The following KRIT1 variants were observed in gnomAD, a reference collection of about 807,000 sequenced individuals.
KRIT1 encodes krev interaction trapped protein 1.
KRIT1 carries 45 observed loss-of-function variants against 95.8 expected under a neutral mutation model. That is an observed-to-expected ratio of 0.47 (90% confidence interval 0.37 to 0.60). The LOEUF (loss-of-function observed/expected upper bound fraction) is 0.60, where lower values mean the gene tolerates loss of function less well. Among genes scored for constraint, KRIT1 ranks in the 20% least tolerant of loss-of-function variants. KRIT1 has a pLI of 0.00. For synonymous variants in KRIT1, 282 were observed against 278.8 expected (o/e 1.01, Z -0.11); for missense variants, 788 against 877.5 (o/e 0.90, Z 1.29).
chr7:92,236,473 C>T lies in KRIT1; in HGVS notation c.425G>A (p.Cys142Tyr), dbSNP rs972763459. The change falls in exon 7 of 19, where the codon TGT becomes TAT. Residue 142 changes from cysteine (C) to tyrosine (Y), a missense_variant. By Grantham distance (194) the Cys-to-Tyr change is radical (BLOSUM62 -2). This residue lies in a region of KRIT1 where 289 missense variants were observed against 277.5 expected (regional missense o/e 1.04). Coordinates refer to ENST00000394505, the MANE Select transcript of KRIT1 (RefSeq NM_194454.3). ...AGCAAAATGAGTACTGGATTCACTA[C>T]AGACTCGCATAATATCTTGTAAGCA... Reference protein sequence around the residue: ...FYCLQDIMRVCSESSTHFATL... With the variant: ...FYCLQDIMRVYSESSTHFATL... 1.9e-6 allele frequency: 3 copies of T among 1,592,764 alleles called. No homozygotes were observed. Among genetic ancestry groups the T allele is most frequent in the African/African-American group, 1.3e-5 (1 of 74,512 alleles).
At position 92,234,584 on chromosome 7, in the gene KRIT1, T is replaced by C; in HGVS notation, c.854A>G (p.Gln285Arg). 1 of 1,612,972 alleles carries C rather than the reference T, an allele frequency of 6.2e-7. No homozygotes were observed. Reference protein sequence around the residue: ...MSSVTEDKERQWVDDFPLHRS... With the variant: ...MSSVTEDKERRWVDDFPLHRS... The stretch of plus-strand genomic sequence containing the variant: ...GTGGAGAGGAAAATCATCTACCCAC[T>C]GTCGTTCCCTAATCATTAAAAAGAA... The change falls in exon 10 of 19, where the codon CAG becomes CGG. Residue 285 changes from glutamine to arginine, a missense_variant. Gln to Arg is a conservative substitution (Grantham distance 43). This residue lies in a region of KRIT1 where 493 missense variants were observed against 582.3 expected (regional missense o/e 0.85). Coordinates refer to ENST00000394505, the MANE Select transcript of KRIT1 (RefSeq NM_194454.3).
intron 17 of KRIT1, among the ~76,000 whole-genome samples, chr7:92,208,779 T>C (rs1386853274): frequency 6.6e-6 from 1 of 152,078 alleles, no homozygotes; most frequent in South Asian, 2.1e-4. Context: ...AAACCTATAA[T>C]GAAGAATACC....
rs28502064 is a variant in KRIT1, at chr7:92,200,464, C to T, written c.*272G>A. 4,533 of 409,820 alleles carry T rather than the reference C, an allele frequency of 0.011. 198 individuals carry two copies. The highest frequency in any genetic ancestry group is 0.086 in the African/African-American group (4,188 of 48,866). 25.4% of individuals were successfully genotyped at this position (409,820 alleles called of 1,614,324 possible). On this transcript the variant is annotated 3_prime_UTR_variant, in exon 19 of 19. Transcript: ENST00000394505. ...CCACCTCCTGGGTTTAAGCGATCTC[C>T]CACCTTGGCCTCCCTAGTAGCTAGG...
rs746233065 is a variant in KRIT1 at position 92,214,691 on chromosome 7, C to T, written c.1650G>A (p.Lys550=). ...LKGFYTAPDA[K]LITLASLLLQ... ...AAAGCAGACTTGCCAATGTTATCAGCTTAGCATCAGGAGCTGTATAAAAGC... is the reference window on the plus strand; with the variant it reads ...AAAGCAGACTTGCCAATGTTATCAGTTTAGCATCAGGAGCTGTATAAAAGC... Residue 550 remains lysine (K), a synonymous_variant, in exon 15 of 19, where the codon AAG becomes AAA. Transcript: ENST00000394505. 6.2e-7 allele frequency: 1 copy of T among 1,610,472 alleles called. No individual in the cohort carries two copies. The highest frequency in any genetic ancestry group is 1.7e-5 in the Admixed American group (1 of 59,996).
At chr7:92,226,748 A>G in intron 10 of KRIT1, 66 bp from the exon 11 acceptor site, 1 of 1,492,574 alleles carries the variant, frequency 6.7e-7, no homozygotes, top group Non-Finnish European at 9.2e-7. Context: ...GATCATCTGA[A>G]ATGTTTTTAA....
At chr7:92,209,278 A>G (rs1792253891) in intron 17 of KRIT1, among the ~76,000 whole-genome samples, 1 of 152,226 alleles carries the variant, frequency 6.6e-6, no homozygotes, top group Admixed American at 6.5e-5. Flanking sequence ...CTTTCTTATA[A>G]GAACTAGAAT....
At chr7:92,230,757 G>C (rs185761861) in intron 10 of KRIT1, among the ~76,000 whole-genome samples, 2 of 152,254 alleles carry the variant, frequency 1.3e-5, no homozygotes, top group African/African-American at 4.8e-5. Flanking sequence ...ACAGGAGAGA[G>C]ATGGGGACAA....
intron 5 of KRIT1, 84 bp from the exon 6 acceptor site, chr7:92,237,843 C>T (rs1378550339): frequency 1.3e-6 from 1 of 746,430 alleles, no homozygotes; most frequent in East Asian, 2.7e-5. Flanking sequence ...AAAACAGATA[C>T]TTTAAAAGGC....
chr7:92,212,907 T>C (rs1793171590), intron 17 of KRIT1, among the ~76,000 whole-genome samples: 1 of 152,230 alleles, frequency 6.6e-6, no homozygotes, highest in Admixed American at 6.5e-5. Context: ...AGGCAGCATA[T>C]TACATATTGT....
At chr7:92,223,580 G>T (rs370834770) in intron 12 of KRIT1, among the ~76,000 whole-genome samples, 7 of 152,156 alleles carry the variant, frequency 4.6e-5, no homozygotes, top group African/African-American at 1.7e-4. Flanking sequence ...CTTTTGACAG[G>T]ATGTTTTAGC....
Position 92,213,218 on chromosome 7 carries a change from G to A in KRIT1, c.2002C>T (p.His668Tyr), listed in dbSNP as rs372151718. The A allele has an allele frequency of 7.4e-6, 12 of 1,611,732 alleles. No homozygotes were observed. The Admixed American group carries it at 1.5e-4, about 20-fold the overall frequency. Reference protein sequence around the residue: ...VYVGVNIKGLHLLNMETKALL... With the variant: ...VYVGVNIKGLYLLNMETKALL... ...ACCTTAGTTTCCATGTTGAGGAGAT[G>A]AAGTCCTTTTATATTCACTCCTACA... The change falls in exon 17 of 19, where the codon CAT (histidine) becomes TAT (tyrosine). Residue 668 changes from histidine (H) to tyrosine (Y), a missense_variant. Around this residue, in one of 3 missense-constraint regions of KRIT1, gnomAD observed 493 missense variants for 582.3 expected, o/e 0.85. Transcript: ENST00000394505.
rs1241625463 is a variant in KRIT1, at chr7:92,236,556, A to C, written c.356-14T>G. 1 of 1,480,066 alleles carries C rather than the reference A, an allele frequency of 6.8e-7. No homozygotes were observed. The highest frequency in any genetic ancestry group is 2.3e-5 in the East Asian group (1 of 44,118). The allele number at this position is 1,480,066 out of a possible 1,614,324, so 91.7% of individuals were successfully genotyped here. A position where few individuals can be genotyped will look rare whatever the true frequency, so the allele number is the denominator to read the frequency against. On this transcript the variant is annotated splice_polypyrimidine_tract_variant and intron_variant, in intron 6 of 18. Transcript: ENST00000394505. ...ATTTAGTATTATCTGAAAAAGAAAAATGAAGAATTATGCTACCATATAAAA... is the reference window on the plus strand; with the variant it reads ...ATTTAGTATTATCTGAAAAAGAAAACTGAAGAATTATGCTACCATATAAAA...
intron 16 of KRIT1, among the ~76,000 whole-genome samples, 168 bp from the exon 17 acceptor site, chr7:92,213,569 TA>T (rs990734572): frequency 1.7e-4 from 25 of 148,436 alleles, no homozygotes; most frequent in Admixed American, 4.7e-4. Context: ...ATGTTAATAT[TA>T]AAAAAAAAAA....
In KRIT1 at chr7:92,199,990, G is replaced by A. The variant is rs1299437343; in HGVS notation, c.*746C>T. ...AAATGTTTATAGACTGCAGAAAACT[G>A]TTTTAAATAACAGTGTTATGTGGTT... On this transcript the variant is annotated 3_prime_UTR_variant, in exon 19 of 19. Coordinates refer to ENST00000394505, the MANE Select transcript of KRIT1 (RefSeq NM_194454.3). 1 of 152,502 alleles carries A rather than the reference G, an allele frequency of 6.6e-6. No homozygotes were observed. Among genetic ancestry groups the A allele is most frequent in the Non-Finnish European group, 1.5e-5 (1 of 68,014 alleles). 9.4% of individuals were successfully genotyped at this position (152,502 alleles called of 1,614,324 possible). A position where few individuals can be genotyped will look rare whatever the true frequency, so the allele number is the denominator to read the frequency against.
chr7:92,241,287 GC>G, intron 4 of KRIT1, 135 bp from the exon 5 acceptor site: 1 of 704,806 alleles, frequency 1.4e-6, no homozygotes, highest in African/African-American at 1.8e-5. Context: ...CAATAGCAAT[GC>G]CCAGCCCCAT....
chr7:92,215,113 GTTA>G (rs1402180888), intron 14 of KRIT1, among the ~76,000 whole-genome samples: 1 of 151,222 alleles, frequency 6.6e-6, no homozygotes, highest in Non-Finnish European at 1.5e-5. Flanking sequence ...ATAGGAAATA[GTTA>G]TTTTTTTTAA....
At chr7:92,210,476 C>A (rs1171342907) in intron 17 of KRIT1, among the ~76,000 whole-genome samples, 2 of 152,094 alleles carry the variant, frequency 1.3e-5, no homozygotes, top group African/African-American at 4.8e-5. Context: ...AAATTGGATA[C>A]CCACATGCAC....
chr7:92,226,852 T>C (rs754748417), intron 10 of KRIT1, among the ~76,000 whole-genome samples, 170 bp from the exon 11 acceptor site: 3 of 152,208 alleles, frequency 2.0e-5, no homozygotes, highest in African/African-American at 4.8e-5. Context: ...ATGTTTTCAA[T>C]GATTAGGGGT....
Position 92,201,306 on chromosome 7 carries a change from C to T in KRIT1, c.2142+1G>A. On this transcript the variant is annotated splice_donor_variant, in intron 18 of 18. Transcript: ENST00000394505. LOFTEE classifies it high-confidence loss of function. ...TGAAGTCCAAAATAAATGATACTTACCTGTTTTGTATGTACTATAAAGCTC... is the reference window on the plus strand; with the variant it reads ...TGAAGTCCAAAATAAATGATACTTATCTGTTTTGTATGTACTATAAAGCTC... The T allele has an allele frequency of 1.6e-6, 2 of 1,267,000 alleles. No individual in the cohort carries two copies. The highest frequency in any genetic ancestry group is 2.3e-6 in the Non-Finnish European group (2 of 863,866). 78.5% of individuals were successfully genotyped at this position (1,267,000 alleles called of 1,614,324 possible). A position where few individuals can be genotyped will look rare whatever the true frequency, so the allele number is the denominator to read the frequency against.
Sources: gnomAD v4.1 joint callset for allele counts (sites outside exome capture counted in the v4.1 genomes callset) on GRCh38, gnomAD v4.1.1 for gene constraint, gnomAD v4.1.1 regional missense constraint, MANE v1.5 for transcripts, NCBI Gene and HGNC (gene_info 2026-07-23, HGNC 2026-07-21) for gene names.